The following TATDN1 variants were observed in gnomAD, a reference collection of about 807,000 sequenced individuals.
TATDN1 encodes TatD DNase domain containing 1.
In TATDN1, 40 loss-of-function variants were observed where a neutral mutation model predicts 46.4. The ratio of observed to expected loss-of-function variants is 0.86; its 90% CI spans 0.67 to 1.12. The LOEUF (loss-of-function observed/expected upper bound fraction) is 1.12, where lower values mean the gene tolerates loss of function less well. TATDN1 is among the 50% of genes most tolerant of loss of function. The probability of loss-of-function intolerance (pLI) is 0.00; values close to 1 mark genes in which losing one functional copy is unlikely to be tolerated. For synonymous variants in TATDN1, 95 were observed against 105.6 expected (o/e 0.90, Z 0.62); for missense variants, 326 against 348.4 (o/e 0.94, Z 0.51).
chr8:124,493,985 T>C, intron 10 of TATDN1, 26 bp from the exon 11 acceptor site: 1 of 1,576,826 alleles, frequency 6.3e-7, no homozygotes, highest in African/African-American at 1.4e-5. Context: ...AAGTGTCTCG[T>C]AAGGGGTTTA....
chr8:124,526,029 C>T (rs976820693), intron 1 of TATDN1, among the ~76,000 whole-genome samples: 4 of 152,164 alleles, frequency 2.6e-5, no homozygotes, highest in African/African-American at 9.7e-5. Context: ...TTCTTGAAGC[C>T]GCTTGCTATG....
intron 1 of TATDN1, among the ~76,000 whole-genome samples, chr8:124,528,205 G>A (rs530263978): frequency 3.3e-5 from 5 of 151,610 alleles, no homozygotes; most frequent in Admixed American, 6.6e-5. Flanking sequence ...ATGGAGTCTC[G>A]CTCTGTCACC....
At position 124,494,990 on chromosome 8, in the gene TATDN1, G is replaced by A. The variant is rs537312689; in HGVS notation, c.664+482C>T. On this transcript the variant is annotated intron_variant, in intron 10 of 11. Transcript: ENST00000276692. ...GCCCACCTCGGCCTCCCAAAGTGCT[G>A]GGAATACAGGCGTGAGCCACCGCGC... The A allele has an allele frequency of 1.1e-3, 178 of 155,356 alleles. No individual in the cohort carries two copies. The South Asian group carries it at 0.023, about 21-fold the overall frequency. 9.6% of individuals were successfully genotyped at this position (155,356 alleles called of 1,614,324 possible). A position where few individuals can be genotyped will look rare whatever the true frequency, so the allele number is the denominator to read the frequency against.
intron 1 of TATDN1, among the ~76,000 whole-genome samples, chr8:124,536,973 A>C (rs2131586092): frequency 6.6e-6 from 1 of 152,290 alleles, no homozygotes; most frequent in Admixed American, 6.5e-5. Flanking sequence ...AAATTAGGGA[A>C]GGCTATACTT....
chr8:124,493,856 G>A lies in TATDN1; in HGVS notation c.768C>T (p.Asp256=), dbSNP rs1346930431. ...KKWESGHCLK[D]RNEPCHIIQI... ...ACATTATATGGCAGGGTTCATTTCT[G>A]TCTTTTAAGCAGTGCCCACTTTCCC... Residue 256 remains aspartate (D), a synonymous_variant, in exon 11 of 12, where the codon GAC becomes GAT. Transcript: ENST00000276692. 1.2e-6 allele frequency: 2 copies of A among 1,608,986 alleles called. No individual in the cohort carries two copies. Among genetic ancestry groups the A allele is most frequent in the Non-Finnish European group, 1.7e-6 (2 of 1,179,118 alleles).
chr8:124,502,886 A>G (rs921170350), intron 9 of TATDN1, among the ~76,000 whole-genome samples: 11 of 152,152 alleles, frequency 7.2e-5, no homozygotes, highest in Non-Finnish European at 1.5e-4. Flanking sequence ...CACCAGTAAT[A>G]CCAGCTACTC....
intron 11 of TATDN1, chr8:124,491,388 T>C (rs1323061599): frequency 6.6e-6 from 1 of 152,328 alleles, no homozygotes; most frequent in African/African-American, 2.4e-5. Context: ...AGGTGTTTGT[T>C]TGTCTTTCTC....
At chr8:124,509,764 C>T (rs748215555) in intron 6 of TATDN1, among the ~76,000 whole-genome samples, 6 of 152,054 alleles carry the variant, frequency 3.9e-5, no homozygotes, top group Admixed American at 2.0e-4. Context: ...TCAGGCCGGG[C>T]GTGGTGGCTC....
intron 9 of TATDN1, among the ~76,000 whole-genome samples, chr8:124,500,626 G>C (rs1817873839): frequency 6.6e-6 from 1 of 151,788 alleles, no homozygotes; most frequent in East Asian, 1.9e-4. Flanking sequence ...CTGAGCCCAG[G>C]AGGTCGGGGC....
intron 6 of TATDN1, among the ~76,000 whole-genome samples, chr8:124,512,142 G>T (rs562211245): frequency 1.3e-5 from 2 of 152,052 alleles, no homozygotes; most frequent in South Asian, 4.2e-4. Flanking sequence ...ACAAATCATG[G>T]CCGGGTGCAG....
intron 9 of TATDN1, among the ~76,000 whole-genome samples, chr8:124,499,454 T>TC (rs1291947266): frequency 2.0e-5 from 3 of 152,230 alleles, no homozygotes; most frequent in Admixed American, 6.5e-5. Context: ...AATAAACATT[T>TC]TAAATACAAG....
chr8:124,521,643 G>C (rs1820058033), intron 3 of TATDN1: 1 of 152,562 alleles, frequency 6.6e-6, no homozygotes, highest in Non-Finnish European at 1.5e-5. Context: ...GTGTGGGCTA[G>C]CTCTCTGTTT....
At chr8:124,509,182 G>C (rs1818792867) in intron 6 of TATDN1, among the ~76,000 whole-genome samples, 1 of 152,208 alleles carries the variant, frequency 6.6e-6, no homozygotes, top group South Asian at 2.1e-4. Flanking sequence ...ACATGATAAA[G>C]TGGTAGCCCT....
At chr8:124,525,385 G>A (rs1043152980) in intron 1 of TATDN1, among the ~76,000 whole-genome samples, 1 of 152,020 alleles carries the variant, frequency 6.6e-6, no homozygotes, top group Admixed American at 6.6e-5. Flanking sequence ...GACCTCAGGA[G>A]CTCCACCCAC....
Position 124,493,912 on chromosome 8 carries a change from T to G in TATDN1, c.712A>C (p.Ile238Leu). The G allele has an allele frequency of 1.2e-6, 2 of 1,612,804 alleles. No homozygotes were observed. Among genetic ancestry groups the G allele is most frequent in the Non-Finnish European group, 8.5e-7 (1 of 1,179,882 alleles). The change falls in exon 11 of 12, where the codon ATA becomes CTA. Residue 238 changes from isoleucine (I) to leucine (L), a missense_variant. Coordinates refer to ENST00000276692, the MANE Select transcript of TATDN1 (RefSeq NM_032026.4). ...TTTTTGGTAGGAAATGCAGTTCTTATATATTTTGATCCAGCATGTGTACTT... is the reference window on the plus strand; with the variant it reads ...TTTTTGGTAGGAAATGCAGTTCTTAGATATTTTGATCCAGCATGTGTACTT... ...VKSTHAGSKYIRTAFPTKKKW... is the reference protein window; with the variant it reads ...VKSTHAGSKYLRTAFPTKKKW...
At position 124,520,086 on chromosome 8, in the gene TATDN1, TATTGCATATCCATTCCG is replaced by T. The variant is rs1479500719; in HGVS notation, c.139-1222_139-1206del. ...TATTTAAATCTTTAATATGATTAGCTATTGCATATCCATTCCGGAAACATAGCCATAATTAAATCCTT... is the reference window on the plus strand; with the variant it reads ...TATTTAAATCTTTAATATGATTAGCTGAAACATAGCCATAATTAAATCCTT... On this transcript the variant is annotated intron_variant, in intron 3 of 11. Transcript: ENST00000276692. Among the ~76,000 whole-genome samples, 19 of 152,382 alleles carry T rather than the reference TATTGCATATCCATTCCG, an allele frequency of 1.2e-4. No individual in the cohort carries two copies. The South Asian group carries it at 3.9e-3, about 32-fold the overall frequency.
chr8:124,509,340 C>G (rs1163795011), intron 6 of TATDN1, among the ~76,000 whole-genome samples: 1 of 152,214 alleles, frequency 6.6e-6, no homozygotes, highest in African/African-American at 2.4e-5. Flanking sequence ...GCATGGCCAA[C>G]TTGGAACAGA....
At chr8:124,503,237 C>A (rs1320135788) in intron 9 of TATDN1, among the ~76,000 whole-genome samples, 1 of 152,062 alleles carries the variant, frequency 6.6e-6, no homozygotes, top group East Asian at 1.9e-4. Context: ...TGCTCATATA[C>A]CCCAATGAGA....
At chr8:124,491,708 A>G (rs1050410918) in intron 11 of TATDN1, 5 of 152,310 alleles carry the variant, frequency 3.3e-5, no homozygotes, top group East Asian at 3.9e-4. Flanking sequence ...CTTTCCTGAC[A>G]TGGCAGGGGC....
Sources: gnomAD v4.1 joint callset for allele counts (sites outside exome capture counted in the v4.1 genomes callset) on GRCh38, gnomAD v4.1.1 for gene constraint, MANE v1.5 for transcripts, NCBI Gene and HGNC (gene_info 2026-07-23, HGNC 2026-07-21) for gene names.